The following TTN variants were observed in gnomAD, a reference collection of about 807,000 sequenced individuals.
The protein encoded by TTN is titin.
In TTN, 1,525 loss-of-function variants were observed where a neutral mutation model predicts 3,223.0. The observed-to-expected ratio is 0.47, with a 90% confidence interval of 0.45 to 0.49. TTN has a LOEUF of 0.49. Ranked by LOEUF, TTN falls within the 20% of genes least tolerant of loss-of-function variation. TTN has a pLI of 0.00. For missense variants in TTN, 40,786 were observed against 43,424.0 expected, an observed-to-expected ratio of 0.94 and a Z score of 5.40; for synonymous variants, 14,094 against 15,161.0, an observed-to-expected ratio of 0.93 and a Z score of 5.17.
At chr2:178,628,387 A>T (rs1459629822) in intron 240 of TTN, among the ~76,000 whole-genome samples, 1 of 152,058 alleles carries the variant, frequency 6.6e-6, no homozygotes, top group Non-Finnish European at 1.5e-5. Flanking sequence ...TATTGGGGGA[A>T]TATGTCACAG....
chr2:178,527,380 G>A, intron 362 of TTN, 66 bp downstream of exon 362: 1 of 1,575,636 alleles, frequency 6.3e-7, no homozygotes, highest in South Asian at 1.2e-5. Flanking sequence ...CTACTGAATT[G>A]TGTGTACTAA....
intron 7 of TTN, 147 bp downstream of exon 7, chr2:178,794,775 C>A: frequency 2.6e-6 from 3 of 1,151,488 alleles, no homozygotes; most frequent in Non-Finnish European, 2.5e-6. Context: ...CAAAGCATGA[C>A]TACTGAATTT....
chr2:178,616,366 G>A, intron 257 of TTN, 113 bp downstream of exon 257: 1 of 1,418,662 alleles, frequency 7.0e-7, no homozygotes, highest in Non-Finnish European at 9.6e-7. Flanking sequence ...TACATTTTCA[G>A]TGAGGTAAAG....
chr2:178,757,648 C>A lies in TTN; in HGVS notation c.10572G>T (p.Met3524Ile). 6.2e-7 allele frequency: 1 copy of A among 1,613,820 alleles called. No individual in the cohort carries two copies. Among genetic ancestry groups the A allele is most frequent in the Non-Finnish European group, 8.5e-7 (1 of 1,179,756 alleles). ...GCTCTGAGTAAGCATCAACTATAAGCATTAAAGCCATGCCTGTGGACTCCT... is the reference window on the plus strand; with the variant it reads ...GCTCTGAGTAAGCATCAACTATAAGAATTAAAGCCATGCCTGTGGACTCCT... ...HFEESTGMALMLIVDAYSEHA... is the reference protein window; with the variant it reads ...HFEESTGMALILIVDAYSEHA... Residue 3524 changes from methionine to isoleucine, a missense_variant, in exon 45 of 363, where the codon ATG (methionine) becomes ATT (isoleucine). By Grantham distance (10) the Met-to-Ile change is conservative. Coordinates refer to ENST00000589042, the MANE Select transcript of TTN (RefSeq NM_001267550.2).
rs2057390140 is a variant in TTN, at chr2:178,616,625, G to A, written c.48166C>T (p.Pro16056Ser). Residue 16056 changes from proline (P) to serine (S), a missense_variant, in exon 257 of 363, where the codon CCA (proline) becomes TCA (serine). Coordinates refer to ENST00000589042, the MANE Select transcript of TTN (RefSeq NM_001267550.2). The stretch of plus-strand genomic sequence containing the variant: ...AATTTCAATTCTTTGGGTGCACTTG[G>A]GCGAGCTGAAAAAAAATGCACTCAC... ...GEIDVNVIAR[P>S]SAPKELKFGD... is the part of the protein sequence containing the mutation. The A allele has an allele frequency of 6.2e-7, 1 of 1,611,658 alleles. No homozygotes were observed. The highest frequency in any genetic ancestry group is 1.1e-5 in the South Asian group (1 of 90,916).
intron 6 of TTN, among the ~76,000 whole-genome samples, chr2:178,797,410 A>G (rs879378589): frequency 6.6e-6 from 1 of 151,940 alleles, no homozygotes; most frequent in Non-Finnish European, 1.5e-5. Flanking sequence ...ATTGCCTCTT[A>G]TGTTAAATAC....
chr2:178,686,206 C>T (rs544845448), intron 127 of TTN, among the ~76,000 whole-genome samples: 19 of 137,402 alleles, frequency 1.4e-4, no homozygotes, highest in South Asian at 2.4e-4. Flanking sequence ...CTGCAAGCTC[C>T]GCCTCCCGGG....
chr2:178,565,001 T>C lies in TTN; in HGVS notation c.81131A>G (p.Gln27044Arg). The C allele has an allele frequency of 2.5e-6, 4 of 1,612,990 alleles. No individual in the cohort carries two copies. In the South Asian group the frequency reaches 3.3e-5, roughly 13 times the overall value. Residue 27044 changes from glutamine (Q) to arginine (R), a missense_variant, in exon 326 of 363, where the codon CAG (glutamine) becomes CGG (arginine). Gln to Arg is a conservative substitution (Grantham distance 43, BLOSUM62 1). Transcript: ENST00000589042. ...CCTGTTTTCAGCAAAAATTCTAAACTGGTACTCCGTGCCTGTTTTCAGTTT... is the reference window on the plus strand; with the variant it reads ...CCTGTTTTCAGCAAAAATTCTAAACCGGTACTCCGTGCCTGTTTTCAGTTT... ...ITKLKTGTEY[Q>R]FRIFAENRYG...
chr2:178,727,947 C>G, intron 67 of TTN, 84 bp from the exon 68 acceptor site: 4 of 1,449,014 alleles, frequency 2.8e-6, no homozygotes, highest in Non-Finnish European at 2.7e-6. Flanking sequence ...TAAGAAAACA[C>G]TCTTGGAAAG....
Position 178,579,562 on chromosome 2 carries a change from A to G in TTN, c.67635T>C (p.Val22545=), listed in dbSNP as rs2288570. The G allele has an allele frequency of 0.025, 40,516 of 1,612,998 alleles. 632 individuals carry two copies. The highest frequency in any genetic ancestry group is 0.063 in the East Asian group (2,838 of 44,798). The part of the protein sequence containing the change: ...SEITVVARDD[V]VAPDLDLKGL... ...GAAGATGTGTGCATAGAGCCTTACC[A>G]ACATCATCCCTTGCCACAACAGTGA... is the stretch of plus-strand genomic sequence containing the variant. Residue 22545 remains valine, a splice_region_variant and synonymous_variant, in exon 319 of 363, where the codon GTT becomes GTC. Coordinates refer to ENST00000589042, the MANE Select transcript of TTN (RefSeq NM_001267550.2).
In TTN at chr2:178,565,713, C is replaced by A. The variant is rs1575674850; in HGVS notation, c.80419G>T (p.Asp26807Tyr). Residue 26807 changes from aspartate (D) to tyrosine (Y), a missense_variant, in exon 326 of 363, where the codon GAT becomes TAT. Coordinates refer to ENST00000589042, the MANE Select transcript of TTN (RefSeq NM_001267550.2). ...ASLMWEKPEHDGGSRVLGYVV... is the reference protein window; with the variant it reads ...ASLMWEKPEHYGGSRVLGYVV... ...TACCCCAGGACTCTGCTACCGCCAT[C>A]ATGTTCAGGTTTCTCCCACATAAGT... The A allele has an allele frequency of 1.2e-6, 2 of 1,613,610 alleles. No homozygotes were observed. The highest frequency in any genetic ancestry group is 1.7e-6 in the Non-Finnish European group (2 of 1,179,652).
At chr2:178,664,347 C>T in intron 168 of TTN, 113 bp downstream of exon 168, 2 of 894,326 alleles carry the variant, frequency 2.2e-6, no homozygotes. Context: ...TTGCAAGAGT[C>T]AACACAGACA....
In TTN at chr2:178,679,940, C is replaced by T; in HGVS notation, c.33534G>A (p.Glu11178=). Residue 11178 remains glutamate (E), a synonymous_variant, in exon 140 of 363, where the codon GAG becomes GAA. Transcript: ENST00000589042. ...CCACTTCTTCCTCAGTTATGAACTC[C>T]TCTTCTTCATGAATGTACTCTTCTT... ...EEEEEYIHEE[E]EFITEEEVVP... is the part of the protein sequence containing the mutation. 1 of 1,613,162 alleles carries T rather than the reference C, an allele frequency of 6.2e-7. No individual in the cohort carries two copies. The highest frequency in any genetic ancestry group is 8.5e-7 in the Non-Finnish European group (1 of 1,179,386).
chr2:178,531,082 G>A lies in TTN; in HGVS notation c.105533C>T (p.Thr35178Ile), dbSNP rs1185377965. The A allele has an allele frequency of 3.1e-6, 5 of 1,613,984 alleles. No individual in the cohort carries two copies. The highest frequency in any genetic ancestry group is 2.2e-5 in the East Asian group (1 of 44,872). Residue 35178 changes from threonine (T) to isoleucine (I), a missense_variant, in exon 358 of 363, where the codon ACC (threonine) becomes ATC (isoleucine). Transcript: ENST00000589042. ...AAAGGTTGATTTGTACTTTGTGGTG[G>A]TCACTTGGTGGCGGGCAGAAGTACT... The part of the protein sequence containing the change: ...VLSTSARHQV[T>I]TTKYKSTFEI...
At chr2:178,622,438 T>A (rs2058433969) in intron 243 of TTN, among the ~76,000 whole-genome samples, 1 of 151,934 alleles carries the variant, frequency 6.6e-6, no homozygotes, top group South Asian at 2.1e-4. Flanking sequence ...TGGTTCAAAC[T>A]AATATCTAAA....
chr2:178,704,631 A>G lies in TTN; in HGVS notation c.29841T>C (p.Phe9947=). The change falls in exon 105 of 363, where the codon TTT becomes TTC. Residue 9947 remains phenylalanine, a synonymous_variant. Transcript: ENST00000589042. ...GTEKLEPSDK[F]EISIDGDRHT... is the part of the protein sequence containing the mutation. ...GTCGGTCACCATCAATGCTTATTTC[A>G]AATTTATCACTGGGTTCCAGTTTTT... 1 of 1,612,584 alleles carries G rather than the reference A, an allele frequency of 6.2e-7. No individual in the cohort carries two copies. The highest frequency in any genetic ancestry group is 8.5e-7 in the Non-Finnish European group (1 of 1,179,100).
intron 13 of TTN, among the ~76,000 whole-genome samples, chr2:178,786,693 T>C (rs922461456): frequency 5.3e-5 from 8 of 152,292 alleles, no homozygotes; most frequent in African/African-American, 1.9e-4. Flanking sequence ...TGAATTTACT[T>C]ATGATTCCCT....
At chr2:178,708,423 T>C (rs2076185480) in intron 99 of TTN, among the ~76,000 whole-genome samples, 2 of 152,304 alleles carry the variant, frequency 1.3e-5, no homozygotes, top group African/African-American at 4.8e-5. Context: ...ATGAGTAACA[T>C]GATAGGAAGG....
chr2:178,553,259 C>T lies in TTN; in HGVS notation c.89641G>A (p.Gly29881Ser). ...VTWRKDEKNLGSDARYSIENT... is the reference protein window; with the variant it reads ...VTWRKDEKNLSSDARYSIENT... ...TCAATGCTGTATCTGGCATCACTGC[C>T]AAGATTCTTCTCATCTTTTCTCCAT... Residue 29881 changes from glycine to serine, a missense_variant, in exon 335 of 363, where the codon GGC becomes AGC. Physicochemically the swap from Gly to Ser is moderately conservative, Grantham distance 56. Transcript: ENST00000589042. The T allele has an allele frequency of 6.2e-7, 1 of 1,612,418 alleles. No individual in the cohort carries two copies. Among genetic ancestry groups the T allele is most frequent in the Non-Finnish European group, 8.5e-7 (1 of 1,179,808 alleles).
Sources: allele counts gnomAD v4.1 joint callset (sites outside exome capture counted in the v4.1 genomes callset), GRCh38; gene constraint gnomAD v4.1.1; transcripts MANE v1.5; gene names NCBI Gene and HGNC (gene_info 2026-07-23, HGNC 2026-07-21).